Variants in SLCO1A2 observed in about 807,000 individuals in gnomAD.
SLCO1A2 encodes solute carrier organic anion transporter family member 1A2.
In SLCO1A2, 67 loss-of-function variants were observed where a neutral mutation model predicts 69.0. The ratio of observed to expected loss-of-function variants is 0.97; its 90% CI spans 0.80 to 1.19. The LOEUF (loss-of-function observed/expected upper bound fraction) is 1.19, where lower values mean the gene tolerates loss of function less well. Ranked by LOEUF, SLCO1A2 falls within the 50% of genes most tolerant of loss-of-function variation. The pLI, the probability that SLCO1A2 is intolerant of heterozygous loss-of-function variation, is 0.00. For synonymous variants in SLCO1A2, 260 were observed against 265.9 expected, an observed-to-expected ratio of 0.98 and a Z score of 0.22; for missense variants, 787 against 793.7, an observed-to-expected ratio of 0.99 and a Z score of 0.10.
intron 1 of SLCO1A2, among the ~76,000 whole-genome samples, chr12:21,389,004 A>G (rs957581750): frequency 2.6e-5 from 4 of 152,180 alleles, no homozygotes; most frequent in African/African-American, 9.7e-5. Context: ...TTAAGACACA[A>G]TGTACTGAGC....
At chr12:21,361,473 G>A (rs141204352) in intron 2 of SLCO1A2, among the ~76,000 whole-genome samples, 14 of 152,230 alleles carry the variant, frequency 9.2e-5, no homozygotes, top group South Asian at 4.2e-4. Context: ...AAAAATTAGC[G>A]CACCTCTTCT....
At position 21,306,636 on chromosome 12, in the gene SLCO1A2, A is replaced by C. The variant is rs780037344; in HGVS notation, c.442+246T>G. On this transcript the variant is annotated intron_variant, in intron 5 of 14. Coordinates refer to ENST00000683939, the MANE Select transcript of SLCO1A2 (RefSeq NM_001386879.1). The stretch of plus-strand genomic sequence containing the variant: ...GCCACTGCACCCGGCCCTTTGACTC[A>C]TTTTTAGATAACATGTTAATAAATA... Among the ~76,000 whole-genome samples the C allele has an allele frequency of 2.0e-5, 3 of 152,192 alleles. No homozygotes were observed. The East Asian group carries it at 5.8e-4, about 29-fold the overall frequency.
intron 12 of SLCO1A2, among the ~76,000 whole-genome samples, chr12:21,276,556 C>CAAAAAAA (rs1207227203): frequency 4.1e-5 from 6 of 145,108 alleles, no homozygotes; most frequent in East Asian, 2.0e-4. Context: ...AAAAAAAAAC[C>CAAAAAAA]AAAAAAAACC....
At chr12:21,385,665 G>A (rs1050250043) in intron 1 of SLCO1A2, among the ~76,000 whole-genome samples, 2 of 152,178 alleles carry the variant, frequency 1.3e-5, no homozygotes, top group Admixed American at 1.3e-4. Flanking sequence ...ATATACATTT[G>A]CAATCACTTT....
At chr12:21,280,694 T>A (rs71446764) in intron 12 of SLCO1A2, among the ~76,000 whole-genome samples, 53,136 of 145,282 alleles carry the variant, frequency 0.37, 10,646 homozygotes, top group African/African-American at 0.52. Flanking sequence ...AAAAAATAAA[T>A]AAATAAACAA....
chr12:21,328,045 A>T (rs1439151930), intron 2 of SLCO1A2, among the ~76,000 whole-genome samples: 1 of 152,144 alleles, frequency 6.6e-6, no homozygotes, highest in East Asian at 1.9e-4. Flanking sequence ...ATAGTGAATA[A>T]GTCTCACAAG....
chr12:21,395,927 A>G (rs1050083457), upstream of SLCO1A2, among the ~76,000 whole-genome samples: 2 of 150,940 alleles, frequency 1.3e-5, no homozygotes, highest in Non-Finnish European at 3.0e-5. Context: ...TGGGGAAAAA[A>G]CAGAACAGAA....
intron 2 of SLCO1A2, among the ~76,000 whole-genome samples, chr12:21,356,253 G>A (rs1938355605): frequency 6.6e-6 from 1 of 151,740 alleles, no homozygotes; most frequent in African/African-American, 2.4e-5. Flanking sequence ...ATAAAGTCTG[G>A]TAATATTAAG....
At chr12:21,382,793 C>CAAAAA in intron 1 of SLCO1A2, among the ~76,000 whole-genome samples, 1 of 75,198 alleles carries the variant, frequency 1.3e-5, no homozygotes, top group Non-Finnish European at 2.8e-5. Flanking sequence ...AACTCCGTCT[C>CAAAAA]AAAAAAAAAA....
At chr12:21,372,423 TA>T (rs1939867077) in intron 2 of SLCO1A2, among the ~76,000 whole-genome samples, 1 of 152,234 alleles carries the variant, frequency 6.6e-6, no homozygotes, top group Non-Finnish European at 1.5e-5. Flanking sequence ...CACCTCATTG[TA>T]AATGACTTTT....
intron 1 of SLCO1A2, among the ~76,000 whole-genome samples, chr12:21,411,071 T>A (rs1941899361): frequency 6.6e-6 from 1 of 152,188 alleles, no homozygotes; most frequent in African/African-American, 2.4e-5. Context: ...AAACAAAAAT[T>A]CTTGCTTTTT....
intron 2 of SLCO1A2, chr12:21,373,171 A>C: frequency 4.9e-6 from 3 of 610,402 alleles, no homozygotes; most frequent in Non-Finnish European, 8.7e-6. Flanking sequence ...TCTCGAAATT[A>C]CTTGAAAAGT....
At position 21,306,998 on chromosome 12, in the gene SLCO1A2, C is replaced by T; in HGVS notation, c.336-10G>A. 6.4e-7 allele frequency: 1 copy of T among 1,572,804 alleles called. No individual in the cohort carries two copies. Among genetic ancestry groups the T allele is most frequent in the Non-Finnish European group, 8.7e-7 (1 of 1,142,934 alleles). On this transcript the variant is annotated splice_polypyrimidine_tract_variant and intron_variant, in intron 4 of 14. Coordinates refer to ENST00000683939, the MANE Select transcript of SLCO1A2 (RefSeq NM_001386879.1). ...AGATTCATATTCATATCTGTATAAA[C>T]ACAGGGAAAATGAGTTTATTTTAAG...
At position 21,275,368 on chromosome 12, in the gene SLCO1A2, C is replaced by A; in HGVS notation, c.1667G>T (p.Arg556Ile). The A allele has an allele frequency of 6.4e-7, 1 of 1,559,166 alleles. No homozygotes were observed. Reference protein sequence around the residue: ...LGVGLHTFCTRVFAGIPAPIY... With the variant: ...LGVGLHTFCTIVFAGIPAPIY... ...AAAATAACTATTTTTACCAAATACT[C>A]TTGTGCAAAATGTATGTAATCCCAC... Residue 556 changes from arginine (R) to isoleucine (I), a missense_variant, in exon 13 of 15, where the codon AGA becomes ATA. By Grantham distance (97) the Arg-to-Ile change is moderately conservative. Coordinates refer to ENST00000683939, the MANE Select transcript of SLCO1A2 (RefSeq NM_001386879.1).
chr12:21,378,247 G>A, intron 1 of SLCO1A2: 1 of 1,614,156 alleles, frequency 6.2e-7, no homozygotes, highest in Non-Finnish European at 8.5e-7. Flanking sequence ...TCATCAGGTG[G>A]AAAAGCGGAA....
At chr12:21,407,076 C>A (rs1035773255) in intron 1 of SLCO1A2, among the ~76,000 whole-genome samples, 3 of 152,026 alleles carry the variant, frequency 2.0e-5, no homozygotes, top group African/African-American at 7.2e-5. Flanking sequence ...TTTTACGAAA[C>A]AATTTAACAA....
chr12:21,338,954 T>G (rs949487717), upstream of SLCO1A2, among the ~76,000 whole-genome samples: 13 of 152,020 alleles, frequency 8.6e-5, no homozygotes, highest in African/African-American at 3.1e-4. Context: ...TGTAATCCAC[T>G]TAGCCTAGCA....
chr12:21,396,630 G>A (rs1479031779), upstream of SLCO1A2, among the ~76,000 whole-genome samples: 58 of 151,970 alleles, frequency 3.8e-4, no homozygotes, highest in African/African-American at 8.7e-4. Context: ...GAGAAAGGTC[G>A]GGTTACCCTC....
chr12:21,297,757 GTGA>G (rs746940541), intron 8 of SLCO1A2, among the ~76,000 whole-genome samples, 189 bp from the exon 9 acceptor site: 2 of 152,166 alleles, frequency 1.3e-5, no homozygotes, highest in African/African-American at 2.4e-5. Flanking sequence ...CTGGAAGTCA[GTGA>G]TGTAGCTGAC....
Sources: gnomAD v4.1 joint callset for allele counts (sites outside exome capture counted in the v4.1 genomes callset) on GRCh38, gnomAD v4.1.1 for gene constraint, MANE v1.5 for transcripts, NCBI Gene and HGNC (gene_info 2026-07-23, HGNC 2026-07-21) for gene names.